Variants in SDK1 observed in about 807,000 individuals in gnomAD.
SDK1 encodes the protein sidekick cell adhesion molecule 1.
Under a neutral mutation model 245.5 loss-of-function variants are expected in SDK1, and 157 were observed. That is an observed-to-expected ratio of 0.64 (90% CI 0.56 to 0.73). The LOEUF (loss-of-function observed/expected upper bound fraction) is 0.73. SDK1 is among the 30% of genes least tolerant of loss of function. The pLI, the probability that SDK1 is intolerant of heterozygous loss-of-function variation, is 0.00. For missense variants in SDK1, 3,583 were observed against 3,002.3 expected (o/e 1.19, Z -4.52); for synonymous variants, 1,647 against 1,278.5 (o/e 1.29, Z -6.15).
At chr7:3,473,380 G>T (rs777716065) in intron 1 of SDK1, among the ~76,000 whole-genome samples, 25 of 152,214 alleles carry the variant, frequency 1.6e-4, no homozygotes, top group Non-Finnish European at 3.1e-4. Context: ...TACTTGGCTT[G>T]TACCTTTTAA....
At chr7:3,795,772 T>A (rs552763216) in intron 4 of SDK1, among the ~76,000 whole-genome samples, 1 of 152,308 alleles carries the variant, frequency 6.6e-6, no homozygotes, top group East Asian at 1.9e-4. Context: ...TATACAGTTA[T>A]ACGATAAAGT....
chr7:3,986,789 G>A (rs1783877860), intron 13 of SDK1, among the ~76,000 whole-genome samples: 1 of 152,236 alleles, frequency 6.6e-6, no homozygotes, highest in Admixed American at 6.5e-5. Flanking sequence ...GAACCCAGGA[G>A]GCGGAGGTTG....
chr7:3,948,833 C>A (rs1186772862), intron 5 of SDK1, among the ~76,000 whole-genome samples: 3 of 152,236 alleles, frequency 2.0e-5, no homozygotes, highest in Non-Finnish European at 4.4e-5. Context: ...ACTCAGGCTT[C>A]CTCATCTGCC....
chr7:3,872,375 G>C (rs532128371), intron 5 of SDK1, among the ~76,000 whole-genome samples: 3 of 151,866 alleles, frequency 2.0e-5, no homozygotes, highest in Non-Finnish European at 4.4e-5. Context: ...TGTTATGTTC[G>C]GAAGATTTAA....
chr7:4,116,480 G>T (rs1341686608), intron 25 of SDK1, among the ~76,000 whole-genome samples: 2 of 152,134 alleles, frequency 1.3e-5, no homozygotes, highest in Non-Finnish European at 2.9e-5. Context: ...CTGGATAAAG[G>T]CTCCTCTCAT....
chr7:3,392,913 T>C (rs1781795482), intron 1 of SDK1, among the ~76,000 whole-genome samples: 1 of 151,752 alleles, frequency 6.6e-6, no homozygotes, highest in South Asian at 2.1e-4. Context: ...CAAATATTGC[T>C]CATGATGAAC....
intron 1 of SDK1, among the ~76,000 whole-genome samples, chr7:3,554,269 C>G (rs983609496): frequency 2.0e-5 from 3 of 151,982 alleles, no homozygotes; most frequent in African/African-American, 4.8e-5. Context: ...GTAGTGGAGT[C>G]TATTAGAAAT....
intron 5 of SDK1, among the ~76,000 whole-genome samples, chr7:3,869,534 C>T (rs1780908093): frequency 6.6e-6 from 1 of 152,178 alleles, no homozygotes; most frequent in Non-Finnish European, 1.5e-5. Flanking sequence ...TCGGGGTCAG[C>T]TCCAGGCTTC....
chr7:3,822,634 G>A (rs186098063), intron 5 of SDK1, among the ~76,000 whole-genome samples: 4 of 152,018 alleles, frequency 2.6e-5, no homozygotes, highest in African/African-American at 9.7e-5. Context: ...CAGGCATGGT[G>A]GTATGCACCT....
intron 17 of SDK1, among the ~76,000 whole-genome samples, chr7:4,046,591 C>G (rs757503076): frequency 6.6e-6 from 1 of 152,226 alleles, no homozygotes; most frequent in East Asian, 1.9e-4. Context: ...TTATTGAAAA[C>G]CAGTGATATA....
intron 1 of SDK1, among the ~76,000 whole-genome samples, chr7:3,353,706 C>G (rs752553682): frequency 3.9e-5 from 6 of 152,118 alleles, no homozygotes; most frequent in Non-Finnish European, 5.9e-5. Flanking sequence ...CTATTGATGA[C>G]TCGATTAACA....
chr7:3,738,139 A>G (rs1554256385), intron 4 of SDK1, among the ~76,000 whole-genome samples: 2 of 152,150 alleles, frequency 1.3e-5, no homozygotes, highest in Non-Finnish European at 2.9e-5. Context: ...AACATCGTGA[A>G]TCTTCTCTCT....
chr7:4,218,213 G>T (rs897843266), intron 38 of SDK1, among the ~76,000 whole-genome samples: 1 of 152,068 alleles, frequency 6.6e-6, no homozygotes, highest in African/African-American at 2.4e-5. Flanking sequence ...AGACCAGCCG[G>T]GCCAACATGG....
chr7:3,386,106 A>G (rs370578609), intron 1 of SDK1, among the ~76,000 whole-genome samples: 2 of 152,334 alleles, frequency 1.3e-5, no homozygotes, highest in East Asian at 3.9e-4. Flanking sequence ...ATAGGAATTC[A>G]TGGAACCACT....
intron 1 of SDK1, among the ~76,000 whole-genome samples, chr7:3,454,283 A>G (rs560954714): frequency 8.5e-5 from 13 of 152,282 alleles, no homozygotes; most frequent in Non-Finnish European, 1.6e-4. Flanking sequence ...CTCACTTTCT[A>G]GAGTTTCATC....
rs542221331 is a variant in SDK1 at position 3,570,570 on chromosome 7, A to AAGT, written c.299-48510_299-48509insAGT. Among the ~76,000 whole-genome samples the AAGT allele has an allele frequency of 2.8e-4, 42 of 151,882 alleles. No homozygotes were observed. The South Asian group carries it at 8.5e-3, about 31-fold the overall frequency. ...GAGGAGGTTTCCCATTTACTCCATT[A>AAGT]CTCTTTCAAGAAAGTCTCCAATTCT... On this transcript the variant is annotated intron_variant, in intron 1 of 44. Coordinates refer to ENST00000404826, the MANE Select transcript of SDK1 (RefSeq NM_152744.4).
At chr7:3,737,112 C>T (rs182478198) in intron 4 of SDK1, among the ~76,000 whole-genome samples, 51 of 152,348 alleles carry the variant, frequency 3.3e-4, no homozygotes, top group Non-Finnish European at 1.6e-4. Flanking sequence ...TTCCTTATGG[C>T]GGAATAGTAT....
At chr7:3,662,292 C>T (rs1783389211) in intron 4 of SDK1, among the ~76,000 whole-genome samples, 1 of 152,106 alleles carries the variant, frequency 6.6e-6, no homozygotes, top group Non-Finnish European at 1.5e-5. Context: ...ATCATCTGAA[C>T]ATCTCACAAT....
intron 14 of SDK1, among the ~76,000 whole-genome samples, chr7:3,991,136 G>C (rs949822619): frequency 1.3e-5 from 2 of 152,224 alleles, no homozygotes; most frequent in East Asian, 3.9e-4. Context: ...TAGAAGGCAA[G>C]TCAGAGAAAG....
Sources: gnomAD v4.1 joint callset for allele counts (sites outside exome capture counted in the v4.1 genomes callset) on GRCh38, gnomAD v4.1.1 for gene constraint, MANE v1.5 for transcripts, NCBI Gene and HGNC (gene_info 2026-07-23, HGNC 2026-07-21) for gene names.